Variants in SNTG1 observed in about 807,000 individuals in gnomAD.
SNTG1 encodes gamma-1-syntrophin.
In SNTG1, 39 loss-of-function variants were observed where a neutral mutation model predicts 74.7. That is an observed-to-expected ratio of 0.52 (90% CI 0.40 to 0.68). The LOEUF (loss-of-function observed/expected upper bound fraction) is 0.68, where lower values mean the gene tolerates loss of function less well. Among genes scored for constraint, SNTG1 ranks in the 30% least tolerant of loss-of-function variants. The pLI, the probability that SNTG1 is intolerant of heterozygous loss-of-function variation, is 0.00. For synonymous variants in SNTG1, 254 were observed against 217.1 expected (o/e 1.17, Z -1.49); for missense variants, 685 against 609.5 (o/e 1.12, Z -1.30).
chr8:50,664,768 A>G (rs1169124545), intron 15 of SNTG1, among the ~76,000 whole-genome samples: 1 of 152,164 alleles, frequency 6.6e-6, no homozygotes. Flanking sequence ...ACGTAACTGC[A>G]TGACTTGAAG....
At chr8:50,148,601 C>T (rs528530863) in intron 1 of SNTG1, among the ~76,000 whole-genome samples, 11 of 152,220 alleles carry the variant, frequency 7.2e-5, no homozygotes, top group Admixed American at 5.9e-4. Context: ...CTTCCTGTGT[C>T]CAAGTGTTCT....
At chr8:50,011,500 TG>T in intron 1 of SNTG1, among the ~76,000 whole-genome samples, 1 of 152,154 alleles carries the variant, frequency 6.6e-6, no homozygotes, top group Non-Finnish European at 1.5e-5. Context: ...CATTACATGG[TG>T]TTTTTAACCT....
intron 17 of SNTG1, among the ~76,000 whole-genome samples, chr8:50,712,135 G>C (rs1281095702): frequency 1.3e-5 from 2 of 152,166 alleles, no homozygotes; most frequent in African/African-American, 4.8e-5. Flanking sequence ...TCTCTTGAGA[G>C]ACATGGGAGG....
At chr8:50,191,741 C>A (rs1479676159) in intron 2 of SNTG1, among the ~76,000 whole-genome samples, 1 of 152,030 alleles carries the variant, frequency 6.6e-6, no homozygotes, top group Non-Finnish European at 1.5e-5. Flanking sequence ...CCTCACCCCA[C>A]AACAGGCCCC....
intron 11 of SNTG1, among the ~76,000 whole-genome samples, chr8:50,541,654 A>G (rs1304870950): frequency 6.6e-6 from 1 of 152,086 alleles, no homozygotes; most frequent in Non-Finnish European, 1.5e-5. Context: ...TCTTTTCTTT[A>G]TGTGAGAACT....
At chr8:50,117,857 G>A (rs1224958617) in intron 1 of SNTG1, among the ~76,000 whole-genome samples, 1 of 152,064 alleles carries the variant, frequency 6.6e-6, no homozygotes, top group African/African-American at 2.4e-5. Flanking sequence ...TCTGAAGTTA[G>A]GTTATGTTTG....
chr8:50,679,540 C>T (rs934735521), intron 15 of SNTG1, among the ~76,000 whole-genome samples: 1 of 152,068 alleles, frequency 6.6e-6, no homozygotes, highest in Non-Finnish European at 1.5e-5. Context: ...CTCTAAATTG[C>T]TTGTGGAATA....
chr8:50,376,471 T>C (rs923179691), intron 2 of SNTG1, among the ~76,000 whole-genome samples: 3 of 151,936 alleles, frequency 2.0e-5, no homozygotes, highest in Non-Finnish European at 4.4e-5. Context: ...TGAGGAAAAG[T>C]CAGTGATGTA....
intron 4 of SNTG1, among the ~76,000 whole-genome samples, chr8:50,420,892 G>A (rs1249466625): frequency 6.6e-6 from 1 of 151,804 alleles, no homozygotes; most frequent in Non-Finnish European, 1.5e-5. Flanking sequence ...TTGTGTGGTG[G>A]CACGTGCCTG....
chr8:50,442,067 A>G (rs2093362723), intron 5 of SNTG1, among the ~76,000 whole-genome samples: 1 of 152,216 alleles, frequency 6.6e-6, no homozygotes, highest in African/African-American at 2.4e-5. Flanking sequence ...GGAAAAGCAG[A>G]TGCCTTGACC....
intron 1 of SNTG1, among the ~76,000 whole-genome samples, chr8:49,995,464 C>A (rs1401253603): frequency 6.6e-6 from 1 of 152,280 alleles, no homozygotes; most frequent in East Asian, 1.9e-4. Flanking sequence ...GTGGGAAGAG[C>A]TAAGAACCCA....
intron 1 of SNTG1, among the ~76,000 whole-genome samples, chr8:49,963,423 T>C (rs775635601): frequency 6.6e-6 from 1 of 152,254 alleles, no homozygotes; most frequent in Non-Finnish European, 1.5e-5. Flanking sequence ...TTCATACTGC[T>C]GTTTCACAAT....
chr8:50,232,783 T>C (rs2085695279), intron 2 of SNTG1, among the ~76,000 whole-genome samples: 2 of 151,648 alleles, frequency 1.3e-5, no homozygotes, highest in South Asian at 2.1e-4. Flanking sequence ...TATTTCTATA[T>C]ACTAGCAATA....
intron 1 of SNTG1, among the ~76,000 whole-genome samples, chr8:50,134,224 A>T (rs1473977008): frequency 2.0e-5 from 3 of 152,196 alleles, no homozygotes; most frequent in Non-Finnish European, 2.9e-5. Context: ...AGGCAATTCC[A>T]GCCATTATCA....
intron 1 of SNTG1, among the ~76,000 whole-genome samples, chr8:50,150,914 G>A (rs1199411697): frequency 6.6e-6 from 1 of 152,168 alleles, no homozygotes; most frequent in Non-Finnish European, 1.5e-5. Context: ...TCAGGATGAT[G>A]CTGGCCTCAT....
intron 3 of SNTG1, among the ~76,000 whole-genome samples, chr8:50,396,455 A>G (rs2092729816): frequency 6.6e-6 from 1 of 152,234 alleles, no homozygotes; most frequent in Non-Finnish European, 1.5e-5. Flanking sequence ...AAAGGCCATG[A>G]TCAAAAGTAA....
At chr8:50,036,602 T>A (rs1324156027) in intron 1 of SNTG1, among the ~76,000 whole-genome samples, 2 of 152,228 alleles carry the variant, frequency 1.3e-5, no homozygotes, top group Non-Finnish European at 2.9e-5. Flanking sequence ...AGTCTCATTG[T>A]TAAGGCATTC....
In SNTG1 at chr8:50,176,416, T is replaced by C. The variant is rs532948399; in HGVS notation, c.-28+3781T>C. On this transcript the variant is annotated intron_variant, in intron 2 of 18. Coordinates refer to ENST00000642720, the MANE Select transcript of SNTG1 (RefSeq NM_018967.5). ...TGATCAAATGCAAGCAAGCTTAGCA[T>C]TCAGCCCAGTACTGACTTCATATCC... 3.3e-5 allele frequency among the ~76,000 whole-genome samples: 5 copies of C among 152,318 alleles called. No homozygotes were observed. In the East Asian group the frequency reaches 9.7e-4, roughly 29 times the overall value.
intron 18 of SNTG1, among the ~76,000 whole-genome samples, chr8:50,777,218 C>CATATAT (rs34381602): frequency 1.5e-4 from 21 of 143,594 alleles, no homozygotes; most frequent in African/African-American, 4.7e-4. Context: ...ACATGAATAG[C>CATATAT]ATATATATAT....
Sources: allele counts gnomAD v4.1 joint callset (sites outside exome capture counted in the v4.1 genomes callset), GRCh38; gene constraint gnomAD v4.1.1; transcripts MANE v1.5; gene names NCBI Gene and HGNC (gene_info 2026-07-23, HGNC 2026-07-21).